SLIT2: variants seen among roughly 807,000 people sequenced by gnomAD.
SLIT2 encodes the protein slit guidance ligand 2, also known as slit homolog 2 protein.
A neutral mutation model predicts 185.7 loss-of-function variants in SLIT2; 41 were observed. That is an observed-to-expected ratio of 0.22 (90% CI 0.17 to 0.29). SLIT2 has a LOEUF of 0.29. Among genes scored for constraint, SLIT2 ranks in the 10% least tolerant of loss-of-function variants. The probability of loss-of-function intolerance (pLI) is 1.00; values close to 1 mark genes in which losing one functional copy is unlikely to be tolerated. For missense variants in SLIT2, 1,571 were observed against 1,909.0 expected, an observed-to-expected ratio of 0.82 and a Z score of 3.30; for synonymous variants, 693 against 680.2, an observed-to-expected ratio of 1.02 and a Z score of -0.29.
intron 4 of SLIT2, among the ~76,000 whole-genome samples, chr4:20,292,466 G>T (rs1370428954): frequency 6.6e-6 from 1 of 152,090 alleles, no homozygotes; most frequent in Non-Finnish European, 1.5e-5. Flanking sequence ...GTAGCTTTCT[G>T]GGTGATATAG....
At chr4:20,575,886 G>T (rs542251084) in intron 29 of SLIT2, among the ~76,000 whole-genome samples, 59 of 151,448 alleles carry the variant, frequency 3.9e-4, no homozygotes, top group African/African-American at 1.4e-3. Context: ...TAAGGCAGGT[G>T]GTTAGTTTGT....
Position 20,539,531 on chromosome 4 carries a change from A to G in SLIT2, c.1923A>G (p.Gln641=). 6.2e-7 allele frequency: 1 copy of G among 1,613,368 alleles called. No homozygotes were observed. Among genetic ancestry groups the G allele is most frequent in the Non-Finnish European group, 8.5e-7 (1 of 1,179,386 alleles). Residue 641 remains glutamine, a synonymous_variant, in exon 19 of 37, where the codon CAA becomes CAG. Transcript: ENST00000504154. ...GTTTGCTTTCTTTGTATGATAATCA[A>G]ATTACTACAGTTGCACCAGGGGCAT... ...SVRLLSLYDN[Q]ITTVAPGAFD... is the part of the protein sequence containing the mutation.
chr4:20,607,660 C>T (rs901503908), intron 33 of SLIT2, among the ~76,000 whole-genome samples: 91 of 152,220 alleles, frequency 6.0e-4, no homozygotes, highest in African/African-American at 2.1e-3. Context: ...TAACTTAAAC[C>T]ACACAATTGT....
intron 16 of SLIT2, among the ~76,000 whole-genome samples, chr4:20,530,994 G>C (rs563595385): frequency 6.6e-6 from 1 of 151,534 alleles, no homozygotes; most frequent in East Asian, 1.9e-4. Context: ...AAAAGGGAGA[G>C]TAACATAGTG....
chr4:20,341,695 A>G (rs547789566), intron 4 of SLIT2, among the ~76,000 whole-genome samples: 2 of 152,330 alleles, frequency 1.3e-5, no homozygotes, highest in South Asian at 4.1e-4. Context: ...AAAAAGATCA[A>G]CAAAACAGCC....
chr4:20,457,461 G>A (rs925533369), intron 4 of SLIT2, among the ~76,000 whole-genome samples: 1 of 151,938 alleles, frequency 6.6e-6, no homozygotes, highest in Non-Finnish European at 1.5e-5. Flanking sequence ...AGAGAAGCAT[G>A]TGCAAACCCT....
chr4:20,290,182 A>G (rs979606300), intron 4 of SLIT2, among the ~76,000 whole-genome samples: 2 of 152,184 alleles, frequency 1.3e-5, no homozygotes, highest in Admixed American at 6.5e-5. Context: ...CTAATCCCCC[A>G]GGTTAAACCA....
chr4:20,494,856 T>C (rs1020819365), intron 9 of SLIT2, among the ~76,000 whole-genome samples: 1 of 150,640 alleles, frequency 6.6e-6, no homozygotes, highest in African/African-American at 2.4e-5. Context: ...GAGGCAAAAA[T>C]TTTGGAGTAA....
intron 23 of SLIT2, 121 bp from the exon 24 acceptor site, chr4:20,548,936 T>A (rs1198665908): frequency 1.6e-6 from 1 of 635,826 alleles, no homozygotes; most frequent in Non-Finnish European, 2.8e-6. Context: ...TAACAATATA[T>A]TGTGTGTTAA....
At chr4:20,408,953 C>T (rs1726986335) in intron 4 of SLIT2, among the ~76,000 whole-genome samples, 1 of 151,974 alleles carries the variant, frequency 6.6e-6, no homozygotes, top group Non-Finnish European at 1.5e-5. Flanking sequence ...CCCACCCCCA[C>T]CTCCCATATG....
At chr4:20,481,072 A>G (rs1247021657) in intron 6 of SLIT2, among the ~76,000 whole-genome samples, 2 of 151,530 alleles carry the variant, frequency 1.3e-5, no homozygotes, top group Non-Finnish European at 2.9e-5. Context: ...ATATTGAGAT[A>G]AAATCAACTT....
chr4:20,593,979 TAC>T (rs1441132934), intron 30 of SLIT2, among the ~76,000 whole-genome samples: 2 of 150,898 alleles, frequency 1.3e-5, no homozygotes, highest in Non-Finnish European at 3.0e-5. Flanking sequence ...TATATGTATA[TAC>T]ACATGTACAT....
chr4:20,457,835 G>C (rs1307404762), intron 4 of SLIT2, among the ~76,000 whole-genome samples: 2 of 152,196 alleles, frequency 1.3e-5, no homozygotes, highest in Admixed American at 1.3e-4. Context: ...AGATGGGCCA[G>C]TGCCTTTTTG....
chr4:20,534,981 A>G (rs1215702391), intron 18 of SLIT2, among the ~76,000 whole-genome samples: 1 of 152,148 alleles, frequency 6.6e-6, no homozygotes, highest in Non-Finnish European at 1.5e-5. Flanking sequence ...AATGATAGGC[A>G]AACATTCACT....
chr4:20,456,271 T>C (rs946379509), intron 4 of SLIT2, among the ~76,000 whole-genome samples: 4 of 152,142 alleles, frequency 2.6e-5, no homozygotes, highest in African/African-American at 9.7e-5. Context: ...AACCTCTTTT[T>C]TTCCTTCTAA....
chr4:20,614,164 C>G (rs927563866), intron 34 of SLIT2, among the ~76,000 whole-genome samples: 1 of 152,102 alleles, frequency 6.6e-6, no homozygotes, highest in African/African-American at 2.4e-5. Flanking sequence ...TGAGCCACTG[C>G]GCTCGGCCGA....
At chr4:20,422,178 G>C (rs987246511) in intron 4 of SLIT2, among the ~76,000 whole-genome samples, 1 of 152,184 alleles carries the variant, frequency 6.6e-6, no homozygotes, top group Admixed American at 6.5e-5. Flanking sequence ...TGCAAATTGC[G>C]TGCATTGTCA....
intron 6 of SLIT2, among the ~76,000 whole-genome samples, chr4:20,485,666 T>C (rs764556434): frequency 6.6e-6 from 1 of 152,208 alleles, no homozygotes; most frequent in Non-Finnish European, 1.5e-5. Flanking sequence ...TAGATATAGC[T>C]GTTTCCACTC....
intron 4 of SLIT2, among the ~76,000 whole-genome samples, chr4:20,307,707 G>A (rs976559957): frequency 1.3e-5 from 2 of 152,192 alleles, no homozygotes; most frequent in African/African-American, 4.8e-5. Flanking sequence ...GTGCTTAAGT[G>A]TATACCAGGG....
Sources: gnomAD v4.1 joint callset for allele counts (sites outside exome capture counted in the v4.1 genomes callset) on GRCh38, gnomAD v4.1.1 for gene constraint, MANE v1.5 for transcripts, NCBI Gene and HGNC (gene_info 2026-07-23, HGNC 2026-07-21) for gene names.